ATXN7L3: variants seen among roughly 807,000 people sequenced by gnomAD.
ATXN7L3 encodes ataxin 7 like 3.
Under a neutral mutation model 50.0 loss-of-function variants are expected in ATXN7L3, and 6 were observed. The observed-to-expected ratio is 0.12, with a 90% confidence interval of 0.07 to 0.24. The LOEUF (loss-of-function observed/expected upper bound fraction) is 0.24, where lower values mean the gene tolerates loss of function less well. Among genes scored for constraint, ATXN7L3 ranks in the 10% least tolerant of loss-of-function variants. ATXN7L3 has a pLI of 1.00. For missense variants in ATXN7L3, 322 were observed against 451.3 expected, an observed-to-expected ratio of 0.71 and a Z score of 2.60; for synonymous variants, 198 against 165.8, an observed-to-expected ratio of 1.19 and a Z score of -1.49.
At chr17:44,195,770 G>C (rs1441942461) in intron 8 of ATXN7L3, 30 bp downstream of exon 8, 3 of 1,579,912 alleles carry the variant, frequency 1.9e-6, no homozygotes, top group Non-Finnish European at 2.6e-6. Context: ...AGGACAATGA[G>C]AGCAAGCATG....
At chr17:44,195,982 G>A in intron 7 of ATXN7L3, 52 bp downstream of exon 7, 1 of 1,567,448 alleles carries the variant, frequency 6.4e-7, no homozygotes, top group South Asian at 1.1e-5. Context: ...CCCCGGCAAT[G>A]AGTCCCAGAA....
rs752969403 is a variant in ATXN7L3 at position 44,197,184 on chromosome 17, C to G, written c.356+44G>C. The G allele has an allele frequency of 5.1e-6, 8 of 1,574,728 alleles. No individual in the cohort carries two copies. The South Asian group carries it at 9.5e-5, about 19-fold the overall frequency. On this transcript the variant is annotated intron_variant, in intron 4 of 12. Transcript: ENST00000587097. ...TTCCCAATGCCCCCGGGGGACTACA[C>G]CATGGCACAGGCTGCAGAGAACGGG...
rs2055985013 is a variant in ATXN7L3 at position 44,198,010 on chromosome 17, G to A, written c.51+10C>T. 1 of 1,612,912 alleles carries A rather than the reference G, an allele frequency of 6.2e-7. No individual in the cohort carries two copies. The highest frequency in any genetic ancestry group is 8.5e-7 in the Non-Finnish European group (1 of 1,179,068). Reference sequence around the variant, plus strand: ...GAAAGAACTGGAGGCACACGTGGGGGAGCCCTCACCTCTAGTTTGCTGTTA... The same window carrying A: ...GAAAGAACTGGAGGCACACGTGGGGAAGCCCTCACCTCTAGTTTGCTGTTA... On this transcript the variant is annotated intron_variant, in intron 2 of 12. Transcript: ENST00000587097.
chr17:44,191,987 G>C lies in ATXN7L3; in HGVS notation c.*2276C>G, dbSNP rs2055674488. On this transcript the variant is annotated 3_prime_UTR_variant, in exon 13 of 13. Coordinates refer to ENST00000587097, the MANE Select transcript of ATXN7L3 (RefSeq NM_001382309.1). ...ATGACCCCAGCATGCGGTAATGCCA[G>C]GCGGGTGGCCCCTGGGCATGCGGGG... The C allele has an allele frequency of 6.4e-6, 1 of 155,722 alleles. No homozygotes were observed. The highest frequency in any genetic ancestry group is 2.1e-4 in the South Asian group (1 of 4,868). 9.6% of individuals were successfully genotyped at this position (155,722 alleles called of 1,614,324 possible). A position where few individuals can be genotyped will look rare whatever the true frequency, so the allele number is the denominator to read the frequency against.
chr17:44,198,150 G>A lies in ATXN7L3; in HGVS notation c.-60-20C>T. The A allele has an allele frequency of 1.4e-6, 2 of 1,450,414 alleles. No individual in the cohort carries two copies. The highest frequency in any genetic ancestry group is 9.6e-7 in the Non-Finnish European group (1 of 1,042,376). 89.8% of individuals were successfully genotyped at this position (1,450,414 alleles called of 1,614,324 possible). On this transcript the variant is annotated intron_variant, in intron 1 of 12. Coordinates refer to ENST00000587097, the MANE Select transcript of ATXN7L3 (RefSeq NM_001382309.1). ...ACACGGCTGCACACACGGGGGTGGG[G>A]GTGTTGTTGTGAGTCCAAGGCACCT...
In ATXN7L3 at chr17:44,193,906, T is replaced by C. The variant is rs531950736; in HGVS notation, c.*357A>G. ...CGCCACATTGCCCCTCAGCAGGGCT[T>C]AGTCCAGTTCCTGGGGTGGGGGGCA... On this transcript the variant is annotated 3_prime_UTR_variant, in exon 13 of 13. Transcript: ENST00000587097. The C allele has an allele frequency of 3.0e-5, 7 of 236,334 alleles. No homozygotes were observed. The highest frequency in any genetic ancestry group is 1.0e-4 in the Admixed American group (2 of 19,438). The allele number at this position is 236,334 out of a possible 1,614,324, so 14.6% of individuals were successfully genotyped here. A position where few individuals can be genotyped will look rare whatever the true frequency, so the allele number is the denominator to read the frequency against.
intron 4 of ATXN7L3, 98 bp from the exon 5 acceptor site, chr17:44,197,124 G>A: frequency 3.2e-6 from 5 of 1,551,308 alleles, no homozygotes; most frequent in Admixed American, 3.4e-5. Flanking sequence ...AGCAGGTGGA[G>A]CATCTGGGGC....
intron 1 of ATXN7L3, chr17:44,198,443 G>GT (rs2056004713): frequency 4.6e-6 from 1 of 217,464 alleles, no homozygotes; most frequent in Non-Finnish European, 9.0e-6. Context: ...GCAGCAGGGG[G>GT]AGGAGAAGGA....
intron 6 of ATXN7L3, 147 bp from the exon 7 acceptor site, chr17:44,196,226 T>TGCCCCCCCCC: frequency 2.7e-6 from 2 of 737,692 alleles, no homozygotes; most frequent in Non-Finnish European, 4.3e-6. Context: ...CCATGTGCCC[T>TGCCCCCCCCC]CCCCCACCCC....
chr17:44,195,837 G>C lies in ATXN7L3; in HGVS notation c.524-9C>G. ...CGAATTGCTAAGTTCCCCTGAAGAA[G>C]AAAAAAGAAGGGGAAGGGTGTTTGA... On this transcript the variant is annotated splice_polypyrimidine_tract_variant and intron_variant, in intron 7 of 12. Coordinates refer to ENST00000587097, the MANE Select transcript of ATXN7L3 (RefSeq NM_001382309.1). 6.2e-7 allele frequency: 1 copy of C among 1,601,970 alleles called. No homozygotes were observed. The highest frequency in any genetic ancestry group is 8.5e-7 in the Non-Finnish European group (1 of 1,176,100).
At chr17:44,196,533 A>G in intron 5 of ATXN7L3, 115 bp from the exon 6 acceptor site, 1 of 1,353,630 alleles carries the variant, frequency 7.4e-7, no homozygotes, top group Non-Finnish European at 1.0e-6. Context: ...TAATCCCAGC[A>G]CTTTGGGAGG....
rs2055800455 is a variant in ATXN7L3, at chr17:44,194,310, T to A, written c.997A>T (p.Lys333Ter). ...GLGSNKKKKP[K>*]PPAPPTPSIY... ...CTGGGCGTCGGGGGTGCCGGTGGCT[T>A]TGGCTTCTTCTTCTTGTTGGAACCT... is the stretch of plus-strand genomic sequence containing the variant. The change falls in exon 13 of 13, where the codon AAG becomes TAG. Residue 333 changes from lysine to a stop codon, truncating the protein, a stop_gained. Transcript: ENST00000587097. LOFTEE classifies it high-confidence loss of function. 1 of 1,614,064 alleles carries A rather than the reference T, an allele frequency of 6.2e-7. No homozygotes were observed. Among genetic ancestry groups the A allele is most frequent in the African/African-American group, 1.3e-5 (1 of 74,924 alleles).
Position 44,194,757 on chromosome 17 carries a change from G to T in ATXN7L3, c.737+11C>A, listed in dbSNP as rs771955420. The stretch of plus-strand genomic sequence containing the variant: ...GTCACAACCCCCCACCCTTCCTGTA[G>T]GGCCACTTACGCCGAGGGCCCGAGA... On this transcript the variant is annotated intron_variant, in intron 11 of 12. Transcript: ENST00000587097. 3.7e-6 allele frequency: 6 copies of T among 1,614,110 alleles called. No homozygotes were observed. In the South Asian group the frequency reaches 5.5e-5, roughly 15 times the overall value.
chr17:44,196,231 C>A (rs1384526761), intron 6 of ATXN7L3, 152 bp from the exon 7 acceptor site: 2 of 793,022 alleles, frequency 2.5e-6, no homozygotes, highest in Non-Finnish European at 4.0e-6. Flanking sequence ...TGCCCTCCCC[C>A]ACCCCCCTTC....
At chr17:44,196,107 G>A in intron 6 of ATXN7L3, 28 bp from the exon 7 acceptor site, 1 of 1,610,496 alleles carries the variant, frequency 6.2e-7, no homozygotes, top group Non-Finnish European at 8.5e-7. Flanking sequence ...ATAGCTTTGG[G>A]GAAAGGGTAA....
intron 10 of ATXN7L3, 95 bp from the exon 11 acceptor site, chr17:44,194,934 G>T: frequency 6.7e-7 from 1 of 1,495,578 alleles, no homozygotes; most frequent in Non-Finnish European, 9.3e-7. Flanking sequence ...CAGGGAAGGG[G>T]TGAATGCAGA....
chr17:44,195,909 G>A, intron 7 of ATXN7L3, 81 bp from the exon 8 acceptor site: 1 of 1,569,648 alleles, frequency 6.4e-7, no homozygotes, highest in Non-Finnish European at 8.7e-7. Context: ...GAGAGGAAGT[G>A]GGGGTGACAG....
chr17:44,195,058 C>A (rs2055833913), intron 10 of ATXN7L3, 39 bp downstream of exon 10: 1 of 1,610,266 alleles, frequency 6.2e-7, no homozygotes, highest in Non-Finnish European at 8.5e-7. Flanking sequence ...GGTGAGTGTG[C>A]AGGAAGCGCC....
At chr17:44,197,920 A>G in intron 2 of ATXN7L3, 100 bp downstream of exon 2, 2 of 1,529,330 alleles carry the variant, frequency 1.3e-6, no homozygotes, top group Non-Finnish European at 1.8e-6. Flanking sequence ...TTTAAGGAAC[A>G]AGGCTGACTA....
Sources: allele counts gnomAD v4.1 joint callset, GRCh38; gene constraint gnomAD v4.1.1; transcripts MANE v1.5; gene names NCBI Gene and HGNC (gene_info 2026-07-23, HGNC 2026-07-21).